NMRAL1: variants seen among roughly 807,000 people sequenced by gnomAD.
NMRAL1 encodes the protein nmrA-like family domain-containing protein 1.
In NMRAL1, 32 loss-of-function variants were observed where a neutral mutation model predicts 27.5. The observed-to-expected ratio is 1.16, with a 90% CI of 0.88 to 1.56. The LOEUF (loss-of-function observed/expected upper bound fraction) is 1.56. Ranked by LOEUF, NMRAL1 falls within the 40% of genes most tolerant of loss-of-function variation. The pLI is 0.00. For synonymous variants in NMRAL1, 166 were observed against 166.8 expected, an observed-to-expected ratio of 1.00 and a Z score of 0.04; for missense variants, 420 against 392.0, an observed-to-expected ratio of 1.07 and a Z score of -0.60.
intron 1 of NMRAL1, 84 bp downstream of exon 1, chr16:4,474,470 C>G (rs963324579): frequency 1.0e-5 from 3 of 295,118 alleles, no homozygotes; most frequent in Non-Finnish European, 1.9e-5. Flanking sequence ...CCCGGGACCC[C>G]GATTCTGCGG....
Position 4,461,712 on chromosome 16 carries a change from A to C in NMRAL1, c.*68T>G. The C allele has an allele frequency of 7.0e-7, 1 of 1,419,690 alleles. No homozygotes were observed. The highest frequency in any genetic ancestry group is 2.3e-5 in the East Asian group (1 of 43,008). The allele number at this position is 1,419,690 out of a possible 1,614,324, so 87.9% of individuals were successfully genotyped here. A position where few individuals can be genotyped will look rare whatever the true frequency, so the allele number is the denominator to read the frequency against. ...AGCCATCTGGGAGAACAATGGCTTT[A>C]TTCAGATGTTGGTGCCTCTGCCCCT... On this transcript the variant is annotated 3_prime_UTR_variant, in exon 6 of 6. Transcript: ENST00000283429.
In NMRAL1 at chr16:4,461,958, A is replaced by G; in HGVS notation, c.722T>C (p.Met241Thr). Reference sequence around the variant, plus strand: ...AAGCTTTTCGTAGTCCTCAGGAGTCATCTGGAAGCAGAGGAGCCTGTCGTG... The same window carrying G: ...AAGCTTTTCGTAGTCCTCAGGAGTCGTCTGGAAGCAGAGGAGCCTGTCGTG... ...HTRKVVHDAK[M>T]TPEDYEKLGF... The change falls in exon 6 of 6, where the codon ATG (methionine) becomes ACG (threonine). Residue 241 changes from methionine (M) to threonine (T), a missense_variant and splice_region_variant. Coordinates refer to ENST00000283429, the MANE Select transcript of NMRAL1 (RefSeq NM_020677.6). 6.2e-7 allele frequency: 1 copy of G among 1,609,596 alleles called. No individual in the cohort carries two copies. Among genetic ancestry groups the G allele is most frequent in the African/African-American group, 1.3e-5 (1 of 74,902 alleles).
intron 3 of NMRAL1, chr16:4,466,635 A>G: frequency 1.8e-6 from 1 of 556,454 alleles, no homozygotes; most frequent in Non-Finnish European, 3.2e-6. Flanking sequence ...ACCATGTGCA[A>G]CATAGGACGG....
At position 4,469,427 on chromosome 16, in the gene NMRAL1, C is replaced by T; in HGVS notation, c.79G>A (p.Asp27Asn). 6.2e-7 allele frequency: 1 copy of T among 1,614,098 alleles called. No individual in the cohort carries two copies. Among genetic ancestry groups the T allele is most frequent in the African/African-American group, 1.3e-5 (1 of 75,028 alleles). The change falls in exon 3 of 6, where the codon GAT becomes AAT. Residue 27 changes from aspartate to asparagine, a missense_variant. Asp to Asn is a conservative substitution (Grantham distance 23). Coordinates refer to ENST00000283429, the MANE Select transcript of NMRAL1 (RefSeq NM_020677.6). ...ACCACTCGAACCTTGAATGTCCCAT[C>T]TTCCAGGAGTGTGCGGGCCACGGAG... is the stretch of plus-strand genomic sequence containing the variant. ...GGSVARTLLE[D>N]GTFKVRVVTR... is the part of the protein sequence containing the mutation.
At chr16:4,463,259 C>T (rs2057178265) in intron 5 of NMRAL1, among the ~76,000 whole-genome samples, 1 of 152,182 alleles carries the variant, frequency 6.6e-6, no homozygotes, top group African/African-American at 2.4e-5. Flanking sequence ...CCCACCCAGC[C>T]AGGCCAATGG....
chr16:4,469,703 C>T (rs777001280), intron 2 of NMRAL1: 4 of 707,760 alleles, frequency 5.7e-6, no homozygotes, highest in African/African-American at 5.4e-5. Flanking sequence ...CCGCCTCTAT[C>T]AAAAAATACA....
At chr16:4,468,461 C>T (rs1368490917) in intron 3 of NMRAL1, among the ~76,000 whole-genome samples, 1 of 151,636 alleles carries the variant, frequency 6.6e-6, no homozygotes, top group East Asian at 1.9e-4. Flanking sequence ...ACTAAAAATA[C>T]AAAAATTAGT....
chr16:4,470,209 C>G (rs2057506043), intron 2 of NMRAL1, among the ~76,000 whole-genome samples: 1 of 146,236 alleles, frequency 6.8e-6, no homozygotes. Context: ...GTGGCTCACA[C>G]CTGTAATCCT....
Position 4,465,225 on chromosome 16 carries a change from A to G in NMRAL1, c.529+928T>C, listed in dbSNP as rs557925824. Among the ~76,000 whole-genome samples the G allele has an allele frequency of 3.3e-5, 5 of 152,230 alleles. No individual in the cohort carries two copies. The South Asian group carries it at 1.0e-3, about 32-fold the overall frequency. ...CTGCGCCTGGCCAGCTTTGCAAACT[A>G]TAATAAATGGTGGTACCAAAGGGCT... On this transcript the variant is annotated intron_variant, in intron 4 of 5. Coordinates refer to ENST00000283429, the MANE Select transcript of NMRAL1 (RefSeq NM_020677.6).
intron 5 of NMRAL1, among the ~76,000 whole-genome samples, chr16:4,463,003 T>C (rs2057167477): frequency 6.6e-6 from 1 of 151,842 alleles, no homozygotes; most frequent in African/African-American, 2.4e-5. Context: ...TACAGGCGCC[T>C]GCCACCACAC....
At chr16:4,466,423 G>T (rs1267820430) in intron 3 of NMRAL1, 21 bp from the exon 4 acceptor site, 2 of 1,607,086 alleles carry the variant, frequency 1.2e-6, no homozygotes, top group Admixed American at 1.7e-5. Context: ...GGGAAGGAGA[G>T]ATCACAAGGC....
chr16:4,467,668 G>A (rs906812969), intron 3 of NMRAL1, among the ~76,000 whole-genome samples: 2 of 151,458 alleles, frequency 1.3e-5, no homozygotes, highest in Non-Finnish European at 2.9e-5. Flanking sequence ...CGCTCAGGCC[G>A]GAGTGCAGTG....
At chr16:4,462,908 A>G (rs544066044) in intron 5 of NMRAL1, among the ~76,000 whole-genome samples, 1 of 151,116 alleles carries the variant, frequency 6.6e-6, no homozygotes, top group South Asian at 2.1e-4. Flanking sequence ...CCCAGTCTGG[A>G]GTGCAGTGGC....
In NMRAL1 at chr16:4,463,717, G is replaced by C. The variant is rs140039309; in HGVS notation, c.663C>G (p.Ala221=). ...TGGTGAGCAGGGCAGCGTACTCCTC[G>C]GCCGTGTGCCTGCAAGTGCTCAGCC... ...NIGLSTCRHT[A]EEYAALLTKH... Residue 221 remains alanine (A), a synonymous_variant, in exon 5 of 6, where the codon GCC becomes GCG. Coordinates refer to ENST00000283429, the MANE Select transcript of NMRAL1 (RefSeq NM_020677.6). 2 of 1,614,038 alleles carry C rather than the reference G, an allele frequency of 1.2e-6. No homozygotes were observed. Among genetic ancestry groups the C allele is most frequent in the Middle Eastern group, 1.6e-4 (1 of 6,062 alleles).
At chr16:4,466,870 C>G (rs770925371) in intron 3 of NMRAL1, 3 of 169,354 alleles carry the variant, frequency 1.8e-5, no homozygotes, top group African/African-American at 7.2e-5. Flanking sequence ...ATCCTGACCT[C>G]GCTGGTAAAA....
In NMRAL1 at chr16:4,466,199, G is replaced by A; in HGVS notation, c.483C>T (p.Ser161=). Residue 161 remains serine (S), a synonymous_variant, in exon 4 of 6, where the codon TCC becomes TCT. Transcript: ENST00000283429. The part of the protein sequence containing the change: ...RLPCYFENLL[S]HFLPQKAPDG... ...CTGGGGCTTTCTGGGGCAAGAAGTG[G>A]GAGAGGAGGTTCTCAAAATAGCAGG... 6.2e-7 allele frequency: 1 copy of A among 1,614,180 alleles called. No homozygotes were observed.
chr16:4,463,739 A>C lies in NMRAL1; in HGVS notation c.641T>G (p.Leu214Arg). 1 of 1,614,098 alleles carries C rather than the reference A, an allele frequency of 6.2e-7. No homozygotes were observed. Among genetic ancestry groups the C allele is most frequent in the South Asian group, 1.1e-5 (1 of 91,086 alleles). ...PEKYVGQNIG[L>R]STCRHTAEEY... Reference sequence around the variant, plus strand: ...CTCGGCCGTGTGCCTGCAAGTGCTCAGCCCGATGTTCTGGCCGACGTATTT... The same window carrying C: ...CTCGGCCGTGTGCCTGCAAGTGCTCCGCCCGATGTTCTGGCCGACGTATTT... The change falls in exon 5 of 6, where the codon CTG becomes CGG. Residue 214 changes from leucine (L) to arginine (R), a missense_variant. Leu to Arg is a moderately radical substitution (Grantham distance 102, BLOSUM62 -2). Coordinates refer to ENST00000283429, the MANE Select transcript of NMRAL1 (RefSeq NM_020677.6).
At chr16:4,467,169 AG>A (rs2057362578) in intron 3 of NMRAL1, 1 of 152,246 alleles carries the variant, frequency 6.6e-6, no homozygotes, top group South Asian at 2.1e-4. Context: ...TGTGGCCACA[AG>A]CCCAGGAACA....
intron 2 of NMRAL1, 89 bp downstream of exon 2, chr16:4,474,004 C>T (rs928291707): frequency 6.7e-6 from 7 of 1,037,516 alleles, no homozygotes; most frequent in African/African-American, 6.4e-5. Context: ...TCCCAGTGAC[C>T]TTACCCCTCC....
Sources: allele counts gnomAD v4.1 joint callset (sites outside exome capture counted in the v4.1 genomes callset), GRCh38; gene constraint gnomAD v4.1.1; transcripts MANE v1.5; gene names NCBI Gene and HGNC (gene_info 2026-07-23, HGNC 2026-07-21).